The following AOAH variants were observed in gnomAD, a reference collection of about 807,000 sequenced individuals.
AOAH encodes acyloxyacyl hydrolase.
A neutral mutation model predicts 92.2 loss-of-function variants in AOAH; 64 were observed. The ratio of observed to expected loss-of-function variants is 0.69; its 90% CI spans 0.57 to 0.86. The LOEUF (loss-of-function observed/expected upper bound fraction) is 0.86, where lower values mean the gene tolerates loss of function less well. AOAH is among the 40% of genes least tolerant of loss of function. The pLI, the probability that AOAH is intolerant of heterozygous loss-of-function variation, is 0.00. For synonymous variants in AOAH, 263 were observed against 254.5 expected, an observed-to-expected ratio of 1.03 and a Z score of -0.32; for missense variants, 656 against 694.6, an observed-to-expected ratio of 0.94 and a Z score of 0.62.
intron 16 of AOAH, among the ~76,000 whole-genome samples, chr7:36,539,015 G>A (rs181913022): frequency 3.7e-4 from 57 of 152,326 alleles, no homozygotes; most frequent in Admixed American, 2.0e-3. Context: ...GGTGGGGAGA[G>A]GCGGAATTTC....
chr7:36,668,973 G>C (rs920953694), intron 3 of AOAH, among the ~76,000 whole-genome samples: 1 of 152,224 alleles, frequency 6.6e-6, no homozygotes, highest in Non-Finnish European at 1.5e-5. Flanking sequence ...CATGCAGGAA[G>C]GGCAGGGCTT....
intron 19 of AOAH, among the ~76,000 whole-genome samples, chr7:36,525,948 A>G (rs1784376016): frequency 6.6e-6 from 1 of 152,184 alleles, no homozygotes; most frequent in South Asian, 2.1e-4. Flanking sequence ...AAGAAAGAGG[A>G]GGGATATTTA....
intron 1 of AOAH, among the ~76,000 whole-genome samples, chr7:36,700,115 T>C (rs541938644): frequency 6.6e-6 from 1 of 152,158 alleles, no homozygotes; most frequent in South Asian, 2.1e-4. Context: ...TGTAAATGCA[T>C]GGATTTATAT....
chr7:36,609,322 A>G (rs1364980978), intron 11 of AOAH, among the ~76,000 whole-genome samples: 1 of 152,188 alleles, frequency 6.6e-6, no homozygotes, highest in Non-Finnish European at 1.5e-5. Flanking sequence ...AAATAAATTC[A>G]TCCTGCCCAC....
intron 12 of AOAH, among the ~76,000 whole-genome samples, chr7:36,581,431 C>T (rs141455505): frequency 2.0e-5 from 3 of 152,322 alleles, no homozygotes; most frequent in African/African-American, 7.2e-5. Flanking sequence ...TGCTATCTTA[C>T]TCAAAAGCCT....
At chr7:36,549,402 A>G (rs1419665528) in intron 14 of AOAH, 37 bp downstream of exon 14, 3 of 1,523,324 alleles carry the variant, frequency 2.0e-6, no homozygotes, top group African/African-American at 1.4e-5. Context: ...TCAAAATGAG[A>G]AACCAAATTA....
intron 11 of AOAH, among the ~76,000 whole-genome samples, chr7:36,596,710 C>A (rs187150704): frequency 3.9e-4 from 60 of 152,288 alleles, no homozygotes; most frequent in African/African-American, 1.4e-3. Context: ...CAAGAAGGAA[C>A]TAACCCTGCT....
intron 3 of AOAH, among the ~76,000 whole-genome samples, chr7:36,663,860 T>C (rs1161645417): frequency 6.6e-6 from 1 of 152,158 alleles, no homozygotes; most frequent in Non-Finnish European, 1.5e-5. Flanking sequence ...TATATTTTGT[T>C]TCATAAGAAA....
chr7:36,517,236 C>CTTTCTTTCTTTT (rs1346541472), intron 20 of AOAH, among the ~76,000 whole-genome samples: 1 of 56,740 alleles, frequency 1.8e-5, no homozygotes, highest in Admixed American at 2.4e-4. Context: ...GTCTCTCTCT[C>CTTTCTTTCTTTT]TCTCTCTCTT....
intron 9 of AOAH, 35 bp downstream of exon 9, chr7:36,620,746 G>A: frequency 6.2e-7 from 1 of 1,607,458 alleles, no homozygotes; most frequent in Non-Finnish European, 8.5e-7. Flanking sequence ...GAGGAACAAA[G>A]GAGAATGGGG....
intron 3 of AOAH, 59 bp from the exon 4 acceptor site, chr7:36,659,324 A>C (rs1795066594): frequency 7.3e-7 from 1 of 1,363,906 alleles, no homozygotes. Flanking sequence ...TAGGAAACAG[A>C]AGCTACTGCA....
intron 12 of AOAH, among the ~76,000 whole-genome samples, chr7:36,592,480 T>C (rs927148722): frequency 6.6e-6 from 1 of 152,214 alleles, no homozygotes; most frequent in Non-Finnish European, 1.5e-5. Flanking sequence ...TCTTAGTCAT[T>C]TCTCCATCCC....
At chr7:36,704,595 A>G (rs547820911) in intron 1 of AOAH, among the ~76,000 whole-genome samples, 1 of 152,162 alleles carries the variant, frequency 6.6e-6, no homozygotes, top group Non-Finnish European at 1.5e-5. Flanking sequence ...TCCTTCTGAA[A>G]CTATTCCAAA....
intron 13 of AOAH, among the ~76,000 whole-genome samples, chr7:36,568,950 C>G (rs891695813): frequency 2.6e-5 from 4 of 152,074 alleles, no homozygotes; most frequent in African/African-American, 4.8e-5. Context: ...CTATGAGGTT[C>G]CAGACCAAAG....
At position 36,700,788 on chromosome 7, in the gene AOAH, TG is replaced by T. The variant is rs552138086; in HGVS notation, c.128-13995del. ...GTTTTCCACAGAGGTTGTACTAATTTGCATTCCCACCAACAGTGTATAAGCC... is the reference window on the plus strand; with the variant it reads ...GTTTTCCACAGAGGTTGTACTAATTTCATTCCCACCAACAGTGTATAAGCC... On this transcript the variant is annotated intron_variant, in intron 1 of 20. Coordinates refer to ENST00000617537, the MANE Select transcript of AOAH (RefSeq NM_001637.4). Among the ~76,000 whole-genome samples the T allele has an allele frequency of 2.6e-5, 4 of 152,258 alleles. 1 individual carries two copies. In the Middle Eastern group the frequency reaches 0.01, roughly 388 times the overall value.
Position 36,517,222 on chromosome 7 carries a change from T to TTCTCTTTCTC in AOAH, c.1600-3843_1600-3842insGAGAAAGAGA, listed in dbSNP as rs1562854041. On this transcript the variant is annotated intron_variant, in intron 20 of 20. Coordinates refer to ENST00000617537, the MANE Select transcript of AOAH (RefSeq NM_001637.4). ...TCTTTCTTTCTTTCTTTCTCTTTCTTTCTGTCTCTCTCTCTCTCTCTCTTT... is the reference window on the plus strand; with the variant it reads ...TCTTTCTTTCTTTCTTTCTCTTTCTTTCTCTTTCTCTCTGTCTCTCTCTCTCTCTCTCTTT... 4.0e-3 allele frequency among the ~76,000 whole-genome samples: 271 copies of TTCTCTTTCTC among 67,302 alleles called. 1 individual carries two copies. The highest frequency in any genetic ancestry group is 0.01 in the African/African-American group (257 of 25,272). 44.2% of individuals were successfully genotyped at this position (67,302 alleles called of 152,430 possible).
In AOAH at chr7:36,686,764, T is replaced by C; in HGVS notation, c.158A>G (p.Gln53Arg). The change falls in exon 2 of 21, where the codon CAG becomes CGG. Residue 53 changes from glutamine to arginine, a missense_variant. Physicochemically the swap from Gln to Arg is conservative, Grantham distance 43 (BLOSUM62 1). Coordinates refer to ENST00000617537, the MANE Select transcript of AOAH (RefSeq NM_001637.4). Reference sequence around the variant, plus strand: ...CGTCGAGTTGTGAACTTGAGCAAGCTGTTCTATTACAGACACCACCAGCAC... The same window carrying C: ...CGTCGAGTTGTGAACTTGAGCAAGCCGTTCTATTACAGACACCACCAGCAC... ...GCVLVVSVIE[Q>R]LAQVHNSTVQ... 1 of 1,580,410 alleles carries C rather than the reference T, an allele frequency of 6.3e-7. No homozygotes were observed. The highest frequency in any genetic ancestry group is 8.6e-7 in the Non-Finnish European group (1 of 1,163,124).
In AOAH at chr7:36,575,430, T is replaced by C. The variant is rs185543564; in HGVS notation, c.1021+1144A>G. Among the ~76,000 whole-genome samples, 377 of 152,326 alleles carry C rather than the reference T, an allele frequency of 2.5e-3. 1 individual carries two copies. The highest frequency in any genetic ancestry group is 8.5e-3 in the African/African-American group (353 of 41,570). ...TATTTTAATGCCCAATTCTGAGAAG[T>C]ATATTTTAACGCATTTGGTATTGAG... On this transcript the variant is annotated intron_variant, in intron 13 of 20. Transcript: ENST00000617537.
At chr7:36,668,932 C>G (rs1315449498) in intron 3 of AOAH, among the ~76,000 whole-genome samples, 1 of 152,206 alleles carries the variant, frequency 6.6e-6, no homozygotes, top group East Asian at 1.9e-4. Flanking sequence ...CTTTTACTAC[C>G]TTTACAGCTA....
Sources: allele counts gnomAD v4.1 joint callset (sites outside exome capture counted in the v4.1 genomes callset), GRCh38; gene constraint gnomAD v4.1.1; transcripts MANE v1.5; gene names NCBI Gene and HGNC (gene_info 2026-07-23, HGNC 2026-07-21).